ABCB1: variants seen among roughly 807,000 people sequenced by gnomAD.
ABCB1 encodes ATP binding cassette subfamily B member 1.
In ABCB1, 69 loss-of-function variants were observed where a neutral mutation model predicts 142.0. That is an observed-to-expected ratio of 0.49 (90% confidence interval 0.40 to 0.59). ABCB1 has a LOEUF of 0.59. ABCB1 is among the 20% of genes least tolerant of loss of function. ABCB1 has a pLI of 0.00. For missense variants in ABCB1, 1,326 were observed against 1,554.7 expected (o/e 0.85, Z 2.47); for synonymous variants, 532 against 539.2 (o/e 0.99, Z 0.18).
chr7:87,577,520 C>T (rs1005906879), intron 4 of ABCB1, among the ~76,000 whole-genome samples: 5 of 152,162 alleles, frequency 3.3e-5, no homozygotes, highest in Admixed American at 3.3e-4. Flanking sequence ...AATTTACATT[C>T]TCAAAAATGT....
chr7:87,593,763 T>C (rs1447034539), intron 3 of ABCB1, among the ~76,000 whole-genome samples: 1 of 152,200 alleles, frequency 6.6e-6, no homozygotes, highest in Non-Finnish European at 1.5e-5. Context: ...ATTCTACAAG[T>C]GCTGTCTTAA....
intron 14 of ABCB1, 54 bp downstream of exon 14, chr7:87,549,294 G>T: frequency 6.2e-7 from 1 of 1,606,742 alleles, no homozygotes; most frequent in Non-Finnish European, 8.5e-7. Flanking sequence ...AGAATTAGTA[G>T]TAGAATGTTC....
chr7:87,587,727 T>G (rs932449960), intron 3 of ABCB1, among the ~76,000 whole-genome samples: 1 of 151,694 alleles, frequency 6.6e-6, no homozygotes, highest in Admixed American at 6.6e-5. Context: ...AAAAAGAAAT[T>G]AGCCGGATGT....
intron 1 of ABCB1, among the ~76,000 whole-genome samples, chr7:87,675,116 G>T (rs1190760417): frequency 6.6e-6 from 1 of 152,186 alleles, no homozygotes; most frequent in African/African-American, 2.4e-5. Context: ...TGTTCAACTT[G>T]CCTTTTCCCC....
intron 1 of ABCB1, among the ~76,000 whole-genome samples, chr7:87,703,180 C>A (rs1381224373): frequency 6.6e-6 from 1 of 151,982 alleles, no homozygotes; most frequent in East Asian, 1.9e-4. Context: ...TATGTAATAA[C>A]CGAAAGTATA....
intron 1 of ABCB1, among the ~76,000 whole-genome samples, chr7:87,688,705 A>C (rs1827719979): frequency 6.6e-6 from 1 of 151,898 alleles, no homozygotes; most frequent in Admixed American, 6.6e-5. Flanking sequence ...TATTTTTCTT[A>C]GTTCTGTAAT....
At chr7:87,620,635 TCAC>T (rs1820191457) in intron 1 of ABCB1, among the ~76,000 whole-genome samples, 1 of 152,186 alleles carries the variant, frequency 6.6e-6, no homozygotes, top group Admixed American at 6.6e-5. Context: ...TCCACTAACT[TCAC>T]CATTAATCTT....
intron 1 of ABCB1, 60 bp from the exon 2 acceptor site, chr7:87,600,250 G>C (rs1021589668): frequency 3.6e-6 from 5 of 1,398,864 alleles, no homozygotes; most frequent in Non-Finnish European, 5.0e-6. Flanking sequence ...CTGGAGGTGA[G>C]ACTAACCTCT....
At chr7:87,536,401 A>T in intron 20 of ABCB1, 57 bp downstream of exon 20, 2 of 1,533,162 alleles carry the variant, frequency 1.3e-6, no homozygotes, top group East Asian at 4.5e-5. Flanking sequence ...AATTAGTTTC[A>T]TGCTGGGGTC....
At chr7:87,646,864 A>T (rs1336792198) in intron 1 of ABCB1, among the ~76,000 whole-genome samples, 1 of 152,172 alleles carries the variant, frequency 6.6e-6, no homozygotes, top group Non-Finnish European at 1.5e-5. Flanking sequence ...TATGCATTAC[A>T]TCTGGCATTT....
chr7:87,513,007 C>T (rs763698002), intron 25 of ABCB1, among the ~76,000 whole-genome samples: 4 of 152,176 alleles, frequency 2.6e-5, no homozygotes, highest in African/African-American at 4.8e-5. Flanking sequence ...TCAGGGTCTA[C>T]GAGGGAGATG....
Position 87,561,310 on chromosome 7 carries a change from T to C in ABCB1, c.780A>G (p.Ala260=), listed in dbSNP as rs754800528. The C allele has an allele frequency of 1.9e-6, 3 of 1,613,962 alleles. No individual in the cohort carries two copies. Among genetic ancestry groups the C allele is most frequent in the African/African-American group, 2.7e-5 (2 of 74,918 alleles). Residue 260 remains alanine, a synonymous_variant, in exon 8 of 28, where the codon GCA becomes GCG. Transcript: ENST00000622132. ...CTCCAAATGCAATCACAGTTCTAAT[T>C]GCTGCCAAGACCTCTTCAGCTACTG... The part of the protein sequence containing the change: ...AGAVAEEVLA[A]IRTVIAFGGQ...
At chr7:87,701,309 G>A (rs1230349247) in intron 1 of ABCB1, among the ~76,000 whole-genome samples, 1 of 152,154 alleles carries the variant, frequency 6.6e-6, no homozygotes, top group East Asian at 1.9e-4. Context: ...GGAAACAGCT[G>A]ACAGTATTTG....
intron 8 of ABCB1, among the ~76,000 whole-genome samples, chr7:87,554,336 T>TAAA (rs5885589): frequency 3.5e-4 from 50 of 142,208 alleles, no homozygotes; most frequent in African/African-American, 9.2e-4. Flanking sequence ...TAGAAAGTAC[T>TAAA]AAAAAAAAAA....
chr7:87,700,583 AT>A (rs201077909), intron 1 of ABCB1: 3,074 of 1,431,324 alleles, frequency 2.1e-3, no homozygotes, highest in Admixed American at 4.2e-3. Flanking sequence ...ACTCGTTTCT[AT>A]TTTTTTTTTC....
chr7:87,561,059 A>C (rs2129776681), intron 8 of ABCB1, among the ~76,000 whole-genome samples: 1 of 152,338 alleles, frequency 6.6e-6, no homozygotes, highest in African/African-American at 2.4e-5. Context: ...CCATCTAGAA[A>C]ACTCTTTGAA....
chr7:87,531,612 A>C, intron 20 of ABCB1, 115 bp from the exon 21 acceptor site: 1 of 965,094 alleles, frequency 1.0e-6, no homozygotes, highest in Non-Finnish European at 1.6e-6. Context: ...TCAGTAATGA[A>C]CTAAAAAGTA....
chr7:87,699,775 C>T (rs1389096253), intron 1 of ABCB1, among the ~76,000 whole-genome samples: 1 of 152,078 alleles, frequency 6.6e-6, no homozygotes, highest in African/African-American at 2.4e-5. Flanking sequence ...ACATAGTTAG[C>T]CAAATCTGAA....
At chr7:87,594,715 G>A (rs117142455) in intron 3 of ABCB1, among the ~76,000 whole-genome samples, 1 of 152,128 alleles carries the variant, frequency 6.6e-6, no homozygotes, top group Non-Finnish European at 1.5e-5. Context: ...TAGAATAAAA[G>A]CAGGAGTCAT....
Sources: allele counts gnomAD v4.1 joint callset (sites outside exome capture counted in the v4.1 genomes callset), GRCh38; gene constraint gnomAD v4.1.1; transcripts MANE v1.5; gene names NCBI Gene and HGNC (gene_info 2026-07-23, HGNC 2026-07-21).